Variants in USP8 observed in about 807,000 individuals in gnomAD.
The protein encoded by USP8 is ubiquitin specific peptidase 8, also known as ubiquitin carboxyl-terminal hydrolase 8.
Under a neutral mutation model 130.0 loss-of-function variants are expected in USP8, and 27 were observed. That is an observed-to-expected ratio of 0.21 (90% CI 0.15 to 0.29). The LOEUF (loss-of-function observed/expected upper bound fraction) is 0.29, where lower values mean the gene tolerates loss of function less well. USP8 is among the 10% of genes least tolerant of loss of function. The probability of loss-of-function intolerance (pLI) is 1.00; values close to 1 mark genes in which losing one functional copy is unlikely to be tolerated. For synonymous variants in USP8, 392 were observed against 444.1 expected, an observed-to-expected ratio of 0.88 and a Z score of 1.48; for missense variants, 1,029 against 1,312.2, an observed-to-expected ratio of 0.78 and a Z score of 3.33.
chr15:50,466,929 G>A (rs113575432), intron 7 of USP8: 8 of 418,900 alleles, frequency 1.9e-5, no homozygotes, highest in African/African-American at 8.2e-5. Context: ...TTTGAGAATC[G>A]CTACAAGAAA....
chr15:50,491,100 G>A (rs543180551), intron 14 of USP8, among the ~76,000 whole-genome samples: 37 of 152,220 alleles, frequency 2.4e-4, no homozygotes, highest in African/African-American at 8.7e-4. Flanking sequence ...TTCTGGCTTC[G>A]TCCCTTTTGG....
chr15:50,449,550 T>G, intron 4 of USP8, 65 bp downstream of exon 4: 1 of 1,176,694 alleles, frequency 8.5e-7, no homozygotes, highest in Non-Finnish European at 1.2e-6. Context: ...ATTTAAGATT[T>G]ACCGATTTAT....
intron 11 of USP8, among the ~76,000 whole-genome samples, chr15:50,483,156 A>C (rs2051835599): frequency 6.6e-6 from 1 of 152,196 alleles, no homozygotes; most frequent in Non-Finnish European, 1.5e-5. Context: ...CCTAATGATA[A>C]CCCCATAAGG....
At position 50,484,261 on chromosome 15, in the gene USP8, T is replaced by C. The variant is rs1462603403; in HGVS notation, c.1804-14T>C. On this transcript the variant is annotated splice_polypyrimidine_tract_variant and intron_variant, in intron 11 of 19. Coordinates refer to ENST00000307179, the MANE Select transcript of USP8 (RefSeq NM_005154.5). Reference sequence around the variant, plus strand: ...AAGTTTTCTTTCACTTCTGTAATTTTAATAATTTTACAGCCATTTAAGATT... The same window carrying C: ...AAGTTTTCTTTCACTTCTGTAATTTCAATAATTTTACAGCCATTTAAGATT... 1 of 1,594,180 alleles carries C rather than the reference T, an allele frequency of 6.3e-7. No homozygotes were observed. The highest frequency in any genetic ancestry group is 8.5e-7 in the Non-Finnish European group (1 of 1,170,458).
chr15:50,425,726 A>G (rs62016940), intron 1 of USP8, among the ~76,000 whole-genome samples: 21,384 of 152,236 alleles, frequency 0.14, 1,985 homozygotes, highest in Middle Eastern at 0.28. Context: ...TAAGAAAACA[A>G]TGTATAAGAA....
Position 50,457,882 on chromosome 15 carries a change from GAAAA to G in USP8, c.336-1111_336-1108del, listed in dbSNP as rs144529322. Among the ~76,000 whole-genome samples the G allele has an allele frequency of 1.9e-4, 24 of 124,082 alleles. No individual in the cohort carries two copies. The South Asian group carries it at 5.3e-3, about 27-fold the overall frequency. The allele number at this position is 124,082 out of a possible 152,430, so 81.4% of individuals were successfully genotyped here. A position where few individuals can be genotyped will look rare whatever the true frequency, so the allele number is the denominator to read the frequency against. On this transcript the variant is annotated intron_variant, in intron 4 of 19. Transcript: ENST00000307179. ...TCTCAAAAAAAAAAAGAAAAGAAAA[GAAAA>G]AAAAAAGAAAAAAAGAGCATATAAA...
chr15:50,477,174 A>C (rs2051595013), intron 9 of USP8, 102 bp from the exon 10 acceptor site: 1 of 1,322,470 alleles, frequency 7.6e-7, no homozygotes, highest in African/African-American at 1.5e-5. Context: ...TTGTTTTTTC[A>C]CTTAGTTTAC....
intron 10 of USP8, among the ~76,000 whole-genome samples, chr15:50,480,166 A>G (rs1365449557): frequency 6.6e-6 from 1 of 152,184 alleles, no homozygotes; most frequent in Non-Finnish European, 1.5e-5. Flanking sequence ...CTTTCAGTAC[A>G]CAGTATTCTC....
At chr15:50,460,617 T>G (rs568445011) in intron 5 of USP8, among the ~76,000 whole-genome samples, 1 of 152,108 alleles carries the variant, frequency 6.6e-6, no homozygotes, top group Admixed American at 6.5e-5. Flanking sequence ...CTTCTCCCAT[T>G]TTTTCACATC....
intron 15 of USP8, 27 bp downstream of exon 15, chr15:50,492,940 TATA>T (rs768617481): frequency 6.3e-7 from 1 of 1,592,060 alleles, no homozygotes; most frequent in Non-Finnish European, 8.6e-7. Context: ...CTTTTTGCAT[TATA>T]ATGCTAAAAG....
chr15:50,489,968 T>G (rs1029542979), intron 13 of USP8, 87 bp downstream of exon 13: 3 of 1,121,980 alleles, frequency 2.7e-6, no homozygotes, highest in Non-Finnish European at 3.8e-6. Flanking sequence ...TAATGCAGAG[T>G]CAATTCCATT....
chr15:50,488,580 T>TC, intron 12 of USP8, among the ~76,000 whole-genome samples: 1 of 120,734 alleles, frequency 8.3e-6, no homozygotes, highest in Non-Finnish European at 1.8e-5. Context: ...TTTTTTTTTT[T>TC]TGGAGATGGA....
At chr15:50,453,222 TTC>T (rs1156542267) in intron 4 of USP8, among the ~76,000 whole-genome samples, 5 of 152,248 alleles carry the variant, frequency 3.3e-5, no homozygotes, top group African/African-American at 1.2e-4. Flanking sequence ...TTTTGTAAAA[TTC>T]TATCTGAAGT....
chr15:50,481,848 A>T lies in USP8; in HGVS notation c.1586A>T (p.Glu529Val), dbSNP rs747450307. 1.3e-6 allele frequency: 2 copies of T among 1,531,682 alleles called. No homozygotes were observed. Among genetic ancestry groups the T allele is most frequent in the African/African-American group, 1.4e-5 (1 of 71,148 alleles). The allele number at this position is 1,531,682 out of a possible 1,614,324, so 94.9% of individuals were successfully genotyped here. The change falls in exon 11 of 20, where the codon GAA becomes GTA. Residue 529 changes from glutamate (E) to valine (V), a missense_variant. By Grantham distance (121) the Glu-to-Val change is moderately radical (BLOSUM62 -2). Coordinates refer to ENST00000307179, the MANE Select transcript of USP8 (RefSeq NM_005154.5). ...QKAKEEMEKK[E>V]SEQAKKEDKE... is the part of the protein sequence containing the mutation. ...GCAAAAGAAGAAATGGAGAAGAAAG[A>T]AAGTGAACAGGCCAAGAAAGAAGAT...
chr15:50,453,520 CTTG>C lies in USP8; in HGVS notation c.335+4038_335+4040del, dbSNP rs547838487. ...GATGTTGCGTCCTTTTAAATGTATT[CTTG>C]TTTTATGGCTCAGCATATGGTCTCT... On this transcript the variant is annotated intron_variant, in intron 4 of 19. Coordinates refer to ENST00000307179, the MANE Select transcript of USP8 (RefSeq NM_005154.5). Among the ~76,000 whole-genome samples the C allele has an allele frequency of 1.6e-4, 24 of 152,164 alleles. No homozygotes were observed. In the South Asian group the frequency reaches 4.6e-3, roughly 29 times the overall value.
At chr15:50,455,026 C>A (rs571447827) in intron 4 of USP8, among the ~76,000 whole-genome samples, 11 of 143,352 alleles carry the variant, frequency 7.7e-5, no homozygotes, top group African/African-American at 2.8e-4. Context: ...ACTTTGTCAT[C>A]TCCAATTTTG....
rs146285883 is a variant in USP8 at position 50,474,146 on chromosome 15, C to T, written c.849+2351C>T. The stretch of plus-strand genomic sequence containing the variant: ...CAGCCTCCTGAGTAGCTGAGGCGTG[C>T]GTCACCATCCTAGCTAATTTTATTT... On this transcript the variant is annotated intron_variant, in intron 8 of 19. Coordinates refer to ENST00000307179, the MANE Select transcript of USP8 (RefSeq NM_005154.5). 8.0e-4 allele frequency among the ~76,000 whole-genome samples: 122 copies of T among 152,178 alleles called. 5 individuals are homozygous for T. In the East Asian group the frequency reaches 0.019, roughly 24 times the overall value.
chr15:50,432,788 A>G (rs570288026), intron 1 of USP8, among the ~76,000 whole-genome samples: 67 of 152,306 alleles, frequency 4.4e-4, no homozygotes, highest in African/African-American at 1.5e-3. Context: ...TATTTTTTTA[A>G]TGCTGATCAT....
At chr15:50,473,177 A>G (rs2051438327) in intron 8 of USP8, among the ~76,000 whole-genome samples, 2 of 152,206 alleles carry the variant, frequency 1.3e-5, no homozygotes, top group Non-Finnish European at 2.9e-5. Context: ...AAGTTAACAA[A>G]GGTTTAAAAA....
Sources: gnomAD v4.1 joint callset for allele counts (sites outside exome capture counted in the v4.1 genomes callset) on GRCh38, gnomAD v4.1.1 for gene constraint, MANE v1.5 for transcripts, NCBI Gene and HGNC (gene_info 2026-07-23, HGNC 2026-07-21) for gene names.